KHDRBS2: variants seen among roughly 807,000 people sequenced by gnomAD.
KHDRBS2 encodes the protein KH RNA binding domain containing, signal transduction associated 2.
A neutral mutation model predicts 44.3 loss-of-function variants in KHDRBS2; 26 were observed. The ratio of observed to expected loss-of-function variants is 0.59; its 90% CI spans 0.43 to 0.81. The LOEUF (loss-of-function observed/expected upper bound fraction) is 0.81. KHDRBS2 is among the 40% of genes least tolerant of loss of function. The probability of loss-of-function intolerance (pLI) is 0.00; values close to 1 mark genes in which losing one functional copy is unlikely to be tolerated. For synonymous variants in KHDRBS2, 194 were observed against 151.1 expected (o/e 1.28, Z -2.08); for missense variants, 476 against 433.1 (o/e 1.10, Z -0.88).
chr6:61,763,981 C>G (rs1007059952), intron 6 of KHDRBS2, among the ~76,000 whole-genome samples: 4 of 152,054 alleles, frequency 2.6e-5, no homozygotes, highest in African/African-American at 9.7e-5. Context: ...TTTCCCACCC[C>G]CTACCCTCCC....
intron 6 of KHDRBS2, among the ~76,000 whole-genome samples, chr6:61,763,138 C>T (rs892205987): frequency 1.3e-5 from 2 of 152,124 alleles, no homozygotes; most frequent in African/African-American, 4.8e-5. Flanking sequence ...CAAGGGAAAG[C>T]CCAGGAGCTG....
rs112857049 is a variant in KHDRBS2, at chr6:61,997,076, C to G, written c.337-18864G>C. ...GATTACAGGCATGAGCCGCCATGCC[C>G]AGCCCATCCACACATATTTTTAAAC... On this transcript the variant is annotated intron_variant, in intron 3 of 8. Transcript: ENST00000281156. Among the ~76,000 whole-genome samples the G allele has an allele frequency of 8.0e-3, 1,212 of 152,258 alleles. 16 individuals are homozygous for G. The highest frequency in any genetic ancestry group is 0.028 in the African/African-American group (1,174 of 41,572).
chr6:61,609,521 T>C, the KHDRBS2 span, among the ~76,000 whole-genome samples: 20 of 152,372 alleles, frequency 1.3e-4, no homozygotes, highest in East Asian at 3.5e-3. Context: ...GTCACAATTA[T>C]ATTTCATTCA....
At chr6:62,142,239 A>G (rs982438208) in intron 2 of KHDRBS2, among the ~76,000 whole-genome samples, 1 of 152,084 alleles carries the variant, frequency 6.6e-6, no homozygotes, top group Non-Finnish European at 1.5e-5. Context: ...TGAAGAGGAT[A>G]TAAAATTGAA....
intron 6 of KHDRBS2, among the ~76,000 whole-genome samples, chr6:61,865,536 T>C (rs1797654275): frequency 6.6e-6 from 1 of 151,678 alleles, no homozygotes. Flanking sequence ...CATGATTCAA[T>C]TACTTCCCAC....
At chr6:62,238,941 A>G (rs1834143838) in intron 1 of KHDRBS2, among the ~76,000 whole-genome samples, 1 of 152,204 alleles carries the variant, frequency 6.6e-6, no homozygotes, top group Non-Finnish European at 1.5e-5. Context: ...ATAATGAGAA[A>G]ACAATCTAAG....
chr6:62,066,798 C>T (rs1793836904), intron 2 of KHDRBS2, among the ~76,000 whole-genome samples: 1 of 151,432 alleles, frequency 6.6e-6, no homozygotes, highest in African/African-American at 2.4e-5. Flanking sequence ...AATTCATTTC[C>T]AAGTGAAACA....
chr6:61,978,861 T>C (rs965786650), intron 3 of KHDRBS2, among the ~76,000 whole-genome samples: 2 of 152,248 alleles, frequency 1.3e-5, no homozygotes, highest in Non-Finnish European at 1.5e-5. Context: ...ATGGGCTACG[T>C]AACTTCTGGT....
chr6:62,199,832 C>T (rs1049718241), intron 1 of KHDRBS2, among the ~76,000 whole-genome samples: 3 of 152,164 alleles, frequency 2.0e-5, no homozygotes, highest in African/African-American at 7.2e-5. Context: ...TGACTTCAAA[C>T]TATACTACAA....
At chr6:62,152,764 A>G (rs1291548466) in intron 2 of KHDRBS2, among the ~76,000 whole-genome samples, 1 of 152,200 alleles carries the variant, frequency 6.6e-6, no homozygotes, top group Non-Finnish European at 1.5e-5. Flanking sequence ...AAATTGGTGC[A>G]GGCTGCTCTG....
In KHDRBS2 at chr6:61,908,375, T is replaced by C. The variant is rs1480580127; in HGVS notation, c.484-7004A>G. Among the ~76,000 whole-genome samples, 4 of 151,880 alleles carry C rather than the reference T, an allele frequency of 2.6e-5. No homozygotes were observed. The East Asian group carries it at 5.8e-4, about 22-fold the overall frequency. On this transcript the variant is annotated intron_variant, in intron 4 of 8. Coordinates refer to ENST00000281156, the MANE Select transcript of KHDRBS2 (RefSeq NM_152688.4). ...ATAGGCTGGGCGTGGTGGCTCATAC[T>C]TGTAATCCCAGCACTTTGGGAGGCC... is the stretch of plus-strand genomic sequence containing the variant.
At chr6:61,692,318 T>A (rs1767459565) in intron 8 of KHDRBS2, among the ~76,000 whole-genome samples, 1 of 152,070 alleles carries the variant, frequency 6.6e-6, no homozygotes, top group Non-Finnish European at 1.5e-5. Context: ...AAATGTAATA[T>A]TTAAATGTTA....
At chr6:62,107,624 C>T (rs1306204606) in intron 2 of KHDRBS2, among the ~76,000 whole-genome samples, 2 of 152,140 alleles carry the variant, frequency 1.3e-5, no homozygotes, top group Non-Finnish European at 2.9e-5. Flanking sequence ...AAAAAAGAGC[C>T]CGCATCGCCA....
At chr6:61,859,084 T>A (rs1421680285) in intron 6 of KHDRBS2, among the ~76,000 whole-genome samples, 2 of 151,926 alleles carry the variant, frequency 1.3e-5, no homozygotes, top group East Asian at 3.9e-4. Context: ...TATATTGAAA[T>A]ACATACATTT....
chr6:62,125,338 T>A (rs562202073), intron 2 of KHDRBS2, among the ~76,000 whole-genome samples: 1 of 152,310 alleles, frequency 6.6e-6, no homozygotes, highest in African/African-American at 2.4e-5. Flanking sequence ...ATTCCAGTTG[T>A]CAGAACCTGA....
intron 2 of KHDRBS2, 89 bp downstream of exon 2, chr6:62,177,095 AT>A: frequency 1.2e-6 from 1 of 807,146 alleles, no homozygotes; most frequent in Non-Finnish European, 1.8e-6. Context: ...AGCTTCAAAT[AT>A]TTATTTTATA....
At chr6:61,818,266 TAA>T (rs60399147) in intron 6 of KHDRBS2, among the ~76,000 whole-genome samples, 45,365 of 114,178 alleles carry the variant, frequency 0.4, 7,597 homozygotes, top group African/African-American at 0.49. Flanking sequence ...CCTCTGTAAG[TAA>T]AAAAAAAAAA....
At chr6:61,814,128 T>C (rs1788536848) in intron 6 of KHDRBS2, 1 of 448,074 alleles carries the variant, frequency 2.2e-6, no homozygotes, top group Non-Finnish European at 4.5e-6. Context: ...AGTGATTCTA[T>C]GATTCTTTGA....
the KHDRBS2 span, among the ~76,000 whole-genome samples, chr6:61,564,845 A>C: frequency 6.6e-6 from 1 of 152,272 alleles, no homozygotes; most frequent in South Asian, 2.1e-4. Context: ...AGCAATCCTC[A>C]GCAAAAAGAA....
Sources: allele counts gnomAD v4.1 joint callset (sites outside exome capture counted in the v4.1 genomes callset), GRCh38; gene constraint gnomAD v4.1.1; transcripts MANE v1.5; gene names NCBI Gene and HGNC (gene_info 2026-07-23, HGNC 2026-07-21).